The following CA6 variants were observed in gnomAD, a reference collection of about 807,000 sequenced individuals.
CA6 encodes carbonate dehydratase VI.
Under a neutral mutation model 35.9 loss-of-function variants are expected in CA6, and 28 were observed. The observed-to-expected ratio is 0.78, with a 90% CI of 0.58 to 1.07. The LOEUF is 1.07. Among genes scored for constraint, CA6 ranks in the 50% least tolerant of loss-of-function variants. The probability of loss-of-function intolerance (pLI) is 0.00; values close to 1 mark genes in which losing one functional copy is unlikely to be tolerated. For missense variants in CA6, 377 were observed against 382.0 expected, an observed-to-expected ratio of 0.99 and a Z score of 0.11; for synonymous variants, 148 against 152.6, an observed-to-expected ratio of 0.97 and a Z score of 0.22.
intron 6 of CA6, among the ~76,000 whole-genome samples, chr1:8,970,195 A>T (rs527357617): frequency 7.1e-5 from 9 of 127,614 alleles, no homozygotes; most frequent in African/African-American, 2.9e-4. Context: ...ACAGAGCGAG[A>T]CTCTGGTCTC....
intron 2 of CA6, chr1:8,951,697 C>G: frequency 1.3e-6 from 1 of 762,640 alleles, no homozygotes; most frequent in African/African-American, 1.7e-5. Flanking sequence ...GTACCTTCTT[C>G]CTTTAGGGCT....
In CA6 at chr1:8,974,832, T is replaced by A. The variant is rs114177264; in HGVS notation, c.*128T>A. On this transcript the variant is annotated 3_prime_UTR_variant, in exon 8 of 8. Coordinates refer to ENST00000377443, the MANE Select transcript of CA6 (RefSeq NM_001215.4). ...TGTGTCTGGAACACGCTGCTCCCCC[T>A]GGGGCAGCTGTTGGGATTCTGATTA... 796 of 559,246 alleles carry A rather than the reference T, an allele frequency of 1.4e-3. 7 individuals carry two copies. In the African/African-American group the frequency reaches 0.015, roughly 10 times the overall value. 34.6% of individuals were successfully genotyped at this position (559,246 alleles called of 1,614,324 possible).
In CA6 at chr1:8,974,755, C is replaced by T. The variant is rs1223490622; in HGVS notation, c.*51C>T. On this transcript the variant is annotated 3_prime_UTR_variant, in exon 8 of 8. Coordinates refer to ENST00000377443, the MANE Select transcript of CA6 (RefSeq NM_001215.4). ...TTAACTAGCTTGAAGCCTGACCTAG[C>T]CAGAAGTGCCTGTCCGCTGCAGCCG... 1 of 999,148 alleles carries T rather than the reference C, an allele frequency of 1.0e-6. No individual in the cohort carries two copies. Among genetic ancestry groups the T allele is most frequent in the Non-Finnish European group, 1.4e-6 (1 of 719,192 alleles). The allele number at this position is 999,148 out of a possible 1,614,324, so 61.9% of individuals were successfully genotyped here.
At chr1:8,954,147 C>T (rs1639613078) in intron 2 of CA6, among the ~76,000 whole-genome samples, 1 of 151,252 alleles carries the variant, frequency 6.6e-6, no homozygotes, top group Admixed American at 6.6e-5. Flanking sequence ...GCCTGTGGAG[C>T]AGCCATTCTT....
chr1:8,971,251 G>C (rs946726485), intron 7 of CA6, among the ~76,000 whole-genome samples: 1 of 151,914 alleles, frequency 6.6e-6, no homozygotes, highest in Non-Finnish European at 1.5e-5. Context: ...AGAGAGAGCA[G>C]GAGAAGCAAG....
chr1:8,971,786 C>T (rs1640116981), intron 7 of CA6, among the ~76,000 whole-genome samples: 1 of 152,244 alleles, frequency 6.6e-6, no homozygotes, highest in Admixed American at 6.5e-5. Context: ...GTGCTGGAAG[C>T]AGGTGCGGGC....
chr1:8,953,080 T>G (rs1639583922), intron 2 of CA6, among the ~76,000 whole-genome samples: 1 of 152,226 alleles, frequency 6.6e-6, no homozygotes, highest in African/African-American at 2.4e-5. Context: ...TCTTTTTATT[T>G]GACCTATAGT....
chr1:8,949,616 G>A (rs750691978), intron 2 of CA6, among the ~76,000 whole-genome samples, 174 bp downstream of exon 2: 7 of 152,110 alleles, frequency 4.6e-5, no homozygotes, highest in Non-Finnish European at 1.0e-4. Flanking sequence ...GAAACCTAGT[G>A]GCTCTTCCAG....
intron 6 of CA6, among the ~76,000 whole-genome samples, chr1:8,968,329 A>T (rs927545493): frequency 1.3e-5 from 2 of 152,036 alleles, no homozygotes; most frequent in Non-Finnish European, 2.9e-5. Flanking sequence ...GCTCAAGGAC[A>T]CTCACACTCC....
intron 2 of CA6, 83 bp from the exon 3 acceptor site, chr1:8,957,054 G>T: frequency 7.9e-7 from 1 of 1,263,638 alleles, no homozygotes; most frequent in Non-Finnish European, 1.1e-6. Flanking sequence ...CAGGTGGGAG[G>T]TGAGCAGAGA....
At chr1:8,960,863 A>G (rs530951369) in intron 4 of CA6, among the ~76,000 whole-genome samples, 1 of 151,970 alleles carries the variant, frequency 6.6e-6, no homozygotes, top group East Asian at 1.9e-4. Context: ...AAACAAAACA[A>G]TGGCCCAAAA....
rs1006307940 is a variant in CA6, at chr1:8,959,022, G to A, written c.501+20G>A. 6.8e-7 allele frequency: 1 copy of A among 1,463,672 alleles called. No homozygotes were observed. The highest frequency in any genetic ancestry group is 1.7e-5 in the Admixed American group (1 of 59,268). 90.7% of individuals were successfully genotyped at this position (1,463,672 alleles called of 1,614,324 possible). A position where few individuals can be genotyped will look rare whatever the true frequency, so the allele number is the denominator to read the frequency against. On this transcript the variant is annotated intron_variant, in intron 4 of 7. Transcript: ENST00000377443. ...GTTGAGGTAAGCAGAAACTACCCAT[G>A]TGTGTCTGTATTTGAAGTTATAGGT... is the stretch of plus-strand genomic sequence containing the variant.
intron 3 of CA6, among the ~76,000 whole-genome samples, chr1:8,957,948 C>T (rs1480307903): frequency 6.6e-6 from 1 of 152,016 alleles, no homozygotes; most frequent in East Asian, 1.9e-4. Flanking sequence ...ACAAAACAAA[C>T]AAACAAAAAC....
chr1:8,970,796 G>T, intron 6 of CA6, 71 bp from the exon 7 acceptor site: 1 of 994,884 alleles, frequency 1.0e-6, no homozygotes, highest in East Asian at 2.4e-5. Context: ...CCACTGCGCC[G>T]GGCCAACTGT....
At position 8,958,955 on chromosome 1, in the gene CA6, G is replaced by A; in HGVS notation, c.454G>A (p.Ala152Thr). 6.2e-7 allele frequency: 1 copy of A among 1,613,132 alleles called. No homozygotes were observed. The highest frequency in any genetic ancestry group is 1.3e-5 in the African/African-American group (1 of 75,038). ...TTCTAAATACAAGAGCTATGATATA[G>A]CCCAAGATGCGCCGGATGGTTTGGC... ...YNSKYKSYDI[A>T]QDAPDGLAVL... is the part of the protein sequence containing the mutation. Residue 152 changes from alanine (A) to threonine (T), a missense_variant, in exon 4 of 8, where the codon GCC becomes ACC. Coordinates refer to ENST00000377443, the MANE Select transcript of CA6 (RefSeq NM_001215.4).
Position 8,974,964 on chromosome 1 carries a change from A to G in CA6, c.*260A>G, listed in dbSNP as rs944274140. 40 of 323,986 alleles carry G rather than the reference A, an allele frequency of 1.2e-4. No individual in the cohort carries two copies. The highest frequency in any genetic ancestry group is 8.5e-4 in the Middle Eastern group (1 of 1,182). 20.1% of individuals were successfully genotyped at this position (323,986 alleles called of 1,614,324 possible). ...GGAAATTGATTGGAATAGAAACTTA[A>G]AGGAAATGGAACCCTAACTATTCTC... On this transcript the variant is annotated 3_prime_UTR_variant, in exon 8 of 8. Coordinates refer to ENST00000377443, the MANE Select transcript of CA6 (RefSeq NM_001215.4).
rs750920739 is a variant in CA6, at chr1:8,945,930, G to T, written c.44G>T (p.Gly15Val). ...CTGCTGTCCCTGTTCCTGCTGGGTG[G>T]CCAGGCCCAGCATGTGTCTGACTGG... ...VLLLSLFLLG[G>V]QAQHVSDWTY... Residue 15 changes from glycine (G) to valine (V), a missense_variant, in exon 1 of 8, where the codon GGC becomes GTC. By Grantham distance (109) the Gly-to-Val change is moderately radical (BLOSUM62 -3). Coordinates refer to ENST00000377443, the MANE Select transcript of CA6 (RefSeq NM_001215.4). 9 of 1,613,606 alleles carry T rather than the reference G, an allele frequency of 5.6e-6. No homozygotes were observed. The South Asian group carries it at 9.9e-5, about 18-fold the overall frequency.
At chr1:8,951,627 A>T in intron 2 of CA6, 1 of 765,216 alleles carries the variant, frequency 1.3e-6, no homozygotes, top group Non-Finnish European at 2.4e-6. Context: ...ATGGAAGAGA[A>T]GAGCCCAGCT....
intron 2 of CA6, chr1:8,951,479 A>T (rs1013865338): frequency 2.6e-6 from 2 of 765,006 alleles, no homozygotes; most frequent in African/African-American, 1.7e-5. Flanking sequence ...AGAAGGGGCG[A>T]AGCACAAAGG....
Sources: allele counts gnomAD v4.1 joint callset (sites outside exome capture counted in the v4.1 genomes callset), GRCh38; gene constraint gnomAD v4.1.1; transcripts MANE v1.5; gene names NCBI Gene and HGNC (gene_info 2026-07-23, HGNC 2026-07-21).